THSD4: variants seen among roughly 807,000 people sequenced by gnomAD.
THSD4 encodes the protein thrombospondin type 1 domain containing 4, also known as thrombospondin type-1 domain-containing protein 4.
THSD4 carries 69 observed loss-of-function variants against 119.0 expected under a neutral mutation model. The ratio of observed to expected loss-of-function variants is 0.58; its 90% confidence interval spans 0.48 to 0.71. The LOEUF (loss-of-function observed/expected upper bound fraction) is 0.71. Ranked by LOEUF, THSD4 falls within the 30% of genes least tolerant of loss-of-function variation. The probability of loss-of-function intolerance (pLI) is 0.00; values close to 1 mark genes in which losing one functional copy is unlikely to be tolerated. For missense variants in THSD4, 1,393 were observed against 1,391.1 expected, an observed-to-expected ratio of 1.00 and a Z score of -0.02; for synonymous variants, 524 against 540.4, an observed-to-expected ratio of 0.97 and a Z score of 0.42.
chr15:71,150,147 T>G (rs1215438708), intron 2 of THSD4, among the ~76,000 whole-genome samples: 1 of 152,176 alleles, frequency 6.6e-6, no homozygotes, highest in East Asian at 1.9e-4. Context: ...GTCAAAACGT[T>G]GCAAGCTGGG....
At position 71,753,662 on chromosome 15, in the gene THSD4, A is replaced by G. The variant is rs190439316; in HGVS notation, c.2416-4240A>G. On this transcript the variant is annotated intron_variant, in intron 14 of 17. Transcript: ENST00000261862. ...TTTGGTCCTTTTAGGAACATCCTTT[A>G]AGGACAGTGGGTGGGTGTGGTTTGG... 4.6e-5 allele frequency among the ~76,000 whole-genome samples: 7 copies of G among 152,328 alleles called. No homozygotes were observed. The East Asian group carries it at 1.3e-3, about 29-fold the overall frequency.
chr15:71,718,641 C>T (rs578046109), intron 8 of THSD4, among the ~76,000 whole-genome samples: 4 of 152,302 alleles, frequency 2.6e-5, no homozygotes, highest in African/African-American at 9.6e-5. Context: ...TCCATCCAAA[C>T]TCATCTCCAG....
chr15:71,171,242 A>C (rs2043359445), intron 3 of THSD4, among the ~76,000 whole-genome samples: 1 of 152,158 alleles, frequency 6.6e-6, no homozygotes, highest in Non-Finnish European at 1.5e-5. Flanking sequence ...ATCATAATCA[A>C]ATTGCTCAAG....
intron 6 of THSD4, among the ~76,000 whole-genome samples, chr15:71,277,653 C>T (rs1008618064): frequency 6.6e-6 from 1 of 152,150 alleles, no homozygotes; most frequent in Non-Finnish European, 1.5e-5. Flanking sequence ...GTGTGACATA[C>T]ATTACCCTGG....
chr15:71,219,520 A>G (rs1169845394), intron 4 of THSD4, among the ~76,000 whole-genome samples: 2 of 152,158 alleles, frequency 1.3e-5, no homozygotes, highest in East Asian at 1.9e-4. Flanking sequence ...GGTCAGTTAT[A>G]TGTTCTACGT....
At chr15:71,683,259 ATTATTCCAGGTGAATT>A (rs2051833832) in intron 8 of THSD4, among the ~76,000 whole-genome samples, 1 of 151,904 alleles carries the variant, frequency 6.6e-6, no homozygotes, top group Non-Finnish European at 1.5e-5. Flanking sequence ...ACAGTCTAGC[ATTATTCCAGGTGAATT>A]TTTGAAACCA....
chr15:71,691,368 T>C (rs534427064), intron 8 of THSD4, among the ~76,000 whole-genome samples: 1 of 152,328 alleles, frequency 6.6e-6, no homozygotes, highest in South Asian at 2.1e-4. Flanking sequence ...ACACTCACCT[T>C]CCTTTATCAT....
chr15:71,099,434 T>C (rs2141338181), intron 1 of THSD4, among the ~76,000 whole-genome samples: 1 of 152,348 alleles, frequency 6.6e-6, no homozygotes, highest in South Asian at 2.1e-4. Context: ...TTGGATTTTG[T>C]ATTCTGAAAT....
intron 8 of THSD4, among the ~76,000 whole-genome samples, chr15:71,721,949 C>T (rs887330668): frequency 2.0e-5 from 3 of 147,494 alleles, no homozygotes; most frequent in Non-Finnish European, 4.5e-5. Flanking sequence ...TGCACTCCAG[C>T]CTGGGTGACA....
chr15:71,591,178 G>A (rs2049795384), intron 7 of THSD4, among the ~76,000 whole-genome samples: 1 of 152,048 alleles, frequency 6.6e-6, no homozygotes, highest in Admixed American at 6.6e-5. Flanking sequence ...TCACAAAATA[G>A]GCAAGGCAAT....
At chr15:71,140,532 G>T (rs1393487924) in intron 1 of THSD4, among the ~76,000 whole-genome samples, 3 of 152,072 alleles carry the variant, frequency 2.0e-5, no homozygotes, top group Non-Finnish European at 4.4e-5. Flanking sequence ...TCAGTTTTCG[G>T]CATGAGATTG....
intron 6 of THSD4, among the ~76,000 whole-genome samples, chr15:71,346,868 C>CTTTTTTTTTTTT (rs71154763): frequency 4.5e-4 from 39 of 86,004 alleles, no homozygotes; most frequent in African/African-American, 8.2e-4. Flanking sequence ...TTTTCATTTT[C>CTTTTTTTTTTTT]TTTTTTTTTT....
chr15:71,608,130 G>C (rs963381261), intron 7 of THSD4, among the ~76,000 whole-genome samples: 4 of 151,342 alleles, frequency 2.6e-5, no homozygotes, highest in Non-Finnish European at 5.9e-5. Flanking sequence ...GGCCGAGGCA[G>C]GAGAATTGTT....
chr15:71,604,478 G>C (rs965067679), intron 7 of THSD4, among the ~76,000 whole-genome samples: 5 of 152,158 alleles, frequency 3.3e-5, no homozygotes, highest in African/African-American at 1.2e-4. Flanking sequence ...TCAGCAGTTT[G>C]AGAATTTCAG....
chr15:71,215,369 C>G lies in THSD4; in HGVS notation c.434C>G (p.Pro145Arg). ...CTGCGAGGCAGCCGGCACCCACAGC[C>G]CCAGGGCCTCGAAGTCACTGGGGAC... The part of the protein sequence containing the change: ...TVLRGSRHPQ[P>R]QGLEVTGDRR... Residue 145 changes from proline (P) to arginine (R), a missense_variant, in exon 4 of 18, where the codon CCC (proline) becomes CGC (arginine). By Grantham distance (103) the Pro-to-Arg change is moderately radical. Transcript: ENST00000261862. 1 of 1,532,148 alleles carries G rather than the reference C, an allele frequency of 6.5e-7. No homozygotes were observed. Among genetic ancestry groups the G allele is most frequent in the Non-Finnish European group, 8.7e-7 (1 of 1,145,270 alleles). 94.9% of individuals were successfully genotyped at this position (1,532,148 alleles called of 1,614,324 possible). A position where few individuals can be genotyped will look rare whatever the true frequency, so the allele number is the denominator to read the frequency against.
intron 2 of THSD4, among the ~76,000 whole-genome samples, chr15:71,149,156 A>T (rs1441583281): frequency 2.0e-5 from 3 of 151,434 alleles, no homozygotes; most frequent in Non-Finnish European, 4.4e-5. Context: ...CTCTTGCCTC[A>T]GCCTCCTGAG....
chr15:71,510,207 A>G (rs2048258055), intron 7 of THSD4, among the ~76,000 whole-genome samples: 1 of 152,224 alleles, frequency 6.6e-6, no homozygotes, highest in Non-Finnish European at 1.5e-5. Context: ...AGTGTCTGGT[A>G]AACACTCAGT....
intron 7 of THSD4, among the ~76,000 whole-genome samples, chr15:71,643,408 C>A (rs916401635): frequency 6.6e-6 from 1 of 152,000 alleles, no homozygotes; most frequent in Non-Finnish European, 1.5e-5. Flanking sequence ...TTCATCACCC[C>A]AGTACGAAGC....
rs1555411744 is a variant in THSD4 at position 71,416,695 on chromosome 15, C to CATTTCATTTT, written c.1152+4876_1152+4877insCATTTTATTT. On this transcript the variant is annotated intron_variant, in intron 7 of 17. Coordinates refer to ENST00000261862, the MANE Select transcript of THSD4 (RefSeq NM_024817.3). ...CCATTTTATTTATTTTATTTTGTTT[C>CATTTCATTTT]ATTTTATTTTATTTTATTTTGTTTT... 1.4e-3 allele frequency among the ~76,000 whole-genome samples: 140 copies of CATTTCATTTT among 96,600 alleles called. 35 individuals carry two copies. Among genetic ancestry groups the CATTTCATTTT allele is most frequent in the African/African-American group, 4.6e-3 (125 of 26,936 alleles). 63.4% of individuals were successfully genotyped at this position (96,600 alleles called of 152,430 possible). A position where few individuals can be genotyped will look rare whatever the true frequency, so the allele number is the denominator to read the frequency against.
Sources: allele counts gnomAD v4.1 joint callset (sites outside exome capture counted in the v4.1 genomes callset), GRCh38; gene constraint gnomAD v4.1.1; transcripts MANE v1.5; gene names NCBI Gene and HGNC (gene_info 2026-07-23, HGNC 2026-07-21).